Variants in KIF24 observed in about 807,000 individuals in gnomAD.
The protein encoded by KIF24 is kinesin family member 24, also known as kinesin-like protein KIF24.
Under a neutral mutation model 118.9 loss-of-function variants are expected in KIF24, and 81 were observed. That is an observed-to-expected ratio of 0.68 (90% CI 0.57 to 0.82). The LOEUF (loss-of-function observed/expected upper bound fraction) is 0.82. Ranked by LOEUF, KIF24 falls within the 40% of genes least tolerant of loss-of-function variation. The pLI is 0.00. For missense variants in KIF24, 1,560 were observed against 1,661.6 expected (o/e 0.94, Z 1.06); for synonymous variants, 599 against 610.0 (o/e 0.98, Z 0.27).
In KIF24 at chr9:34,257,304, T is replaced by G. The variant is rs754954401; in HGVS notation, c.2303A>C (p.His768Pro). Reference sequence around the variant, plus strand: ...GAGAGGTGGCTGTTGGAACTGCTGGTGATAGAAACGCAGATGTTCCTCCCT... The same window carrying G: ...GAGAGGTGGCTGTTGGAACTGCTGGGGATAGAAACGCAGATGTTCCTCCCT... ...KEREEHLRFYHQQFQQPPLLQ... is the reference protein window; with the variant it reads ...KEREEHLRFYPQQFQQPPLLQ... The change falls in exon 11 of 13, where the codon CAC becomes CCC. Residue 768 changes from histidine to proline, a missense_variant. Physicochemically the swap from His to Pro is moderately conservative, Grantham distance 77 (BLOSUM62 -2). Around this residue, in one of 3 missense-constraint regions of KIF24, gnomAD observed 964 missense variants for 988.0 expected, o/e 0.98. Coordinates refer to ENST00000402558, the MANE Select transcript of KIF24 (RefSeq NM_194313.4). 1 of 1,613,892 alleles carries G rather than the reference T, an allele frequency of 6.2e-7. No individual in the cohort carries two copies. Among genetic ancestry groups the G allele is most frequent in the East Asian group, 2.2e-5 (1 of 44,890 alleles).
At chr9:34,290,912 T>C (rs1035736793) in intron 4 of KIF24, among the ~76,000 whole-genome samples, 2 of 152,164 alleles carry the variant, frequency 1.3e-5, no homozygotes, top group Admixed American at 6.5e-5. Context: ...AGTTTTCTTA[T>C]AGTAATTTTC....
intron 6 of KIF24, among the ~76,000 whole-genome samples, chr9:34,283,145 T>C (rs941852055): frequency 7.3e-5 from 11 of 150,984 alleles, no homozygotes; most frequent in South Asian, 2.1e-4. Context: ...GGTGAGAGGA[T>C]TGCTTGAGTC....
intron 1 of KIF24, among the ~76,000 whole-genome samples, chr9:34,311,715 T>C (rs1270326676): frequency 7.0e-6 from 1 of 142,168 alleles, no homozygotes; most frequent in Non-Finnish European, 1.5e-5. Context: ...TATACGTATA[T>C]ATGTATATAC....
intron 6 of KIF24, among the ~76,000 whole-genome samples, chr9:34,283,213 C>T (rs1835917383): frequency 6.6e-6 from 1 of 151,112 alleles, no homozygotes; most frequent in Non-Finnish European, 1.5e-5. Context: ...CTAAAAATGC[C>T]AAAAAAATTA....
chr9:34,309,505 C>T (rs1483605760), intron 2 of KIF24, among the ~76,000 whole-genome samples: 7 of 143,788 alleles, frequency 4.9e-5, no homozygotes, highest in Non-Finnish European at 1.0e-4. Context: ...TGCACCACTG[C>T]ACTCCAGCCT....
Position 34,318,572 on chromosome 9 carries a change from G to A in KIF24, c.-25-7201C>T. ...CGGCCTGGCCTTCAGCCTGTACCAG[G>A]CCATGGCCAAGGACCAGGCGGTGGA... On this transcript the variant is annotated intron_variant, in intron 1 of 12. Coordinates refer to ENST00000402558, the MANE Select transcript of KIF24 (RefSeq NM_194313.4). This position sits in a 1 kb window ranked among gnomAD's most constrained non-coding sequence, Gnocchi z 4.9. 1.6e-6 allele frequency: 2 copies of A among 1,281,310 alleles called. No individual in the cohort carries two copies. 79.4% of individuals were successfully genotyped at this position (1,281,310 alleles called of 1,614,324 possible). A position where few individuals can be genotyped will look rare whatever the true frequency, so the allele number is the denominator to read the frequency against.
chr9:34,282,868 A>G (rs917801795), intron 6 of KIF24, among the ~76,000 whole-genome samples: 4 of 151,962 alleles, frequency 2.6e-5, no homozygotes, highest in Non-Finnish European at 4.4e-5. Flanking sequence ...CTTGGACAAC[A>G]TGGTGAAACC....
intron 4 of KIF24, among the ~76,000 whole-genome samples, chr9:34,294,488 C>T (rs1002415694): frequency 1.3e-5 from 2 of 151,962 alleles, no homozygotes; most frequent in Non-Finnish European, 1.5e-5. Context: ...GCAGAGGTTG[C>T]GGTGAGCTGA....
At chr9:34,300,901 T>C (rs1303993341) in intron 3 of KIF24, among the ~76,000 whole-genome samples, 1 of 139,116 alleles carries the variant, frequency 7.2e-6, no homozygotes, top group South Asian at 2.3e-4. Context: ...AAAGTGGGAA[T>C]ACATTTTTTT....
In KIF24 at chr9:34,255,866, G is replaced by A; in HGVS notation, c.3741C>T (p.Asn1247=). ...LSTDPIKLPC[N]SENVTWLKPR... is the part of the protein sequence containing the mutation. ...GTTTGAGCCATGTGACATTTTCACT[G>A]TTGCAGGGCAACTTGATGGGGTCTG... Residue 1247 remains asparagine (N), a synonymous_variant, in exon 11 of 13, where the codon AAC becomes AAT. Transcript: ENST00000402558. 6.2e-7 allele frequency: 1 copy of A among 1,614,010 alleles called. No homozygotes were observed. The highest frequency in any genetic ancestry group is 8.5e-7 in the Non-Finnish European group (1 of 1,179,878).
At chr9:34,300,324 A>C (rs1836650327) in intron 3 of KIF24, among the ~76,000 whole-genome samples, 1 of 152,154 alleles carries the variant, frequency 6.6e-6, no homozygotes, top group South Asian at 2.1e-4. Flanking sequence ...CTTTTGATTA[A>C]GCTTAAAAAG....
rs750237545 is a variant in KIF24, at chr9:34,271,935, A to G, written c.1216-5T>C. On this transcript the variant is annotated splice_region_variant and splice_polypyrimidine_tract_variant and intron_variant, in intron 6 of 12. Transcript: ENST00000402558. ...CTTGCTGCCCTTTAAGATCACCTGA[A>G]AATAAAATCCACAGGATGACTTCCC... 6 of 1,582,760 alleles carry G rather than the reference A, an allele frequency of 3.8e-6. No homozygotes were observed. The highest frequency in any genetic ancestry group is 1.2e-5 in the South Asian group (1 of 86,296).
At chr9:34,316,704 T>C (rs182447785) in intron 1 of KIF24, among the ~76,000 whole-genome samples, 8 of 152,350 alleles carry the variant, frequency 5.3e-5, no homozygotes, top group Non-Finnish European at 8.8e-5. Flanking sequence ...ATGCTTTATA[T>C]AAAAAATGTT....
At chr9:34,261,641 G>A (rs1168215158) in intron 9 of KIF24, among the ~76,000 whole-genome samples, 1 of 152,114 alleles carries the variant, frequency 6.6e-6, no homozygotes, top group Non-Finnish European at 1.5e-5. Context: ...TAGATCCAAT[G>A]CTGTTTCTTC....
At chr9:34,283,024 C>G (rs1444959589) in intron 6 of KIF24, among the ~76,000 whole-genome samples, 1 of 125,384 alleles carries the variant, frequency 8.0e-6, no homozygotes, top group Non-Finnish European at 1.6e-5. Flanking sequence ...TGCACTCCAG[C>G]GTGGGCGACA....
intron 4 of KIF24, 45 bp from the exon 5 acceptor site, chr9:34,290,434 T>C (rs1335653774): frequency 8.2e-7 from 1 of 1,225,240 alleles, no homozygotes; most frequent in South Asian, 1.3e-5. Context: ...TTAAGAGAAG[T>C]ATTAGTTTAC....
At chr9:34,278,309 T>A (rs991750182) in intron 6 of KIF24, among the ~76,000 whole-genome samples, 1 of 151,736 alleles carries the variant, frequency 6.6e-6, no homozygotes, top group South Asian at 2.1e-4. Context: ...ACTCAGGAGG[T>A]TGAGGCAGGA....
At chr9:34,323,963 T>G (rs1028119820) in intron 1 of KIF24, among the ~76,000 whole-genome samples, 3 of 152,350 alleles carry the variant, frequency 2.0e-5, no homozygotes, top group Middle Eastern at 3.4e-3. Flanking sequence ...AGTGATCAGA[T>G]AGCCATATAT....
intron 4 of KIF24, among the ~76,000 whole-genome samples, chr9:34,295,348 C>G (rs1488785388): frequency 6.6e-6 from 1 of 152,022 alleles, no homozygotes; most frequent in East Asian, 1.9e-4. Flanking sequence ...GCTGGGACCA[C>G]AGGTGCACAT....
Sources: gnomAD v4.1 joint callset for allele counts (sites outside exome capture counted in the v4.1 genomes callset) on GRCh38, gnomAD v4.1.1 for gene constraint, gnomAD v4.1.1 regional missense constraint, Gnocchi (gnomAD v3.1) non-coding constraint, MANE v1.5 for transcripts, NCBI Gene and HGNC (gene_info 2026-07-23, HGNC 2026-07-21) for gene names.